The following AGBL1 variants were observed in gnomAD, a reference collection of about 807,000 sequenced individuals.
The protein encoded by AGBL1 is cytosolic carboxypeptidase 4.
In AGBL1, 130 loss-of-function variants were observed where a neutral mutation model predicts 118.9. That is an observed-to-expected ratio of 1.09 (90% confidence interval 0.95 to 1.26). The LOEUF is 1.26. Among genes scored for constraint, AGBL1 ranks in the 50% most tolerant of loss-of-function variants. The pLI, the probability that AGBL1 is intolerant of heterozygous loss-of-function variation, is 0.00. For synonymous variants in AGBL1, 555 were observed against 478.9 expected, an observed-to-expected ratio of 1.16 and a Z score of -2.08; for missense variants, 1,584 against 1,298.1, an observed-to-expected ratio of 1.22 and a Z score of -3.38.
intron 21 of AGBL1, among the ~76,000 whole-genome samples, chr15:86,586,525 C>T (rs1293688545): frequency 2.6e-5 from 4 of 152,110 alleles, no homozygotes; most frequent in East Asian, 1.9e-4. Flanking sequence ...GGCAGAAAAC[C>T]GAAATTCTGT....
chr15:86,796,452 G>T (rs150658381), intron 22 of AGBL1, among the ~76,000 whole-genome samples: 8 of 152,144 alleles, frequency 5.3e-5, no homozygotes, highest in Non-Finnish European at 1.2e-4. Context: ...AAACTGTATT[G>T]CTTGCTTCTT....
intron 21 of AGBL1, among the ~76,000 whole-genome samples, chr15:86,646,468 A>G (rs2085281069): frequency 6.6e-6 from 1 of 151,956 alleles, no homozygotes; most frequent in Non-Finnish European, 1.5e-5. Context: ...TGTTTCTATT[A>G]TCCTCATCTT....
At chr15:86,185,217 C>T (rs1753568096) in intron 5 of AGBL1, among the ~76,000 whole-genome samples, 1 of 152,176 alleles carries the variant, frequency 6.6e-6, no homozygotes, top group African/African-American at 2.4e-5. Flanking sequence ...TACCATCTCA[C>T]ACCAGTTAGA....
chr15:86,242,138 C>T (rs962871856), intron 6 of AGBL1, among the ~76,000 whole-genome samples: 6 of 152,166 alleles, frequency 3.9e-5, no homozygotes, highest in African/African-American at 1.4e-4. Context: ...CCTCCCCAGC[C>T]TCACAATTCA....
chr15:86,247,853 A>T lies in AGBL1; in HGVS notation c.709A>T (p.Met237Leu), dbSNP rs759880946. The T allele has an allele frequency of 1.2e-6, 2 of 1,613,804 alleles. No homozygotes were observed. The highest frequency in any genetic ancestry group is 1.7e-5 in the Admixed American group (1 of 60,006). ...GREAFLAAQG[M>L]EILFSTTQNC... ...GGAGGCCTTCCTGGCAGCACAGGGC[A>T]TGGAGATCCTCTTCAGCACCACACA... is the stretch of plus-strand genomic sequence containing the variant. Residue 237 changes from methionine (M) to leucine (L), a missense_variant, in exon 7 of 23, where the codon ATG becomes TTG. Transcript: ENST00000614907.
At chr15:86,607,134 T>C (rs2084588928) in intron 21 of AGBL1, among the ~76,000 whole-genome samples, 1 of 152,240 alleles carries the variant, frequency 6.6e-6, no homozygotes, top group Non-Finnish European at 1.5e-5. Flanking sequence ...TTTCTTTTTA[T>C]GGCTTGATAG....
intron 21 of AGBL1, among the ~76,000 whole-genome samples, chr15:86,651,062 T>C (rs1334835886): frequency 6.6e-6 from 1 of 152,188 alleles, no homozygotes; most frequent in East Asian, 1.9e-4. Flanking sequence ...AGACACCCTT[T>C]CCTATGTTTC....
intron 7 of AGBL1, among the ~76,000 whole-genome samples, chr15:86,249,518 A>T (rs2078774296): frequency 6.6e-6 from 1 of 152,136 alleles, no homozygotes; most frequent in Admixed American, 6.5e-5. Flanking sequence ...GTCATGAAAT[A>T]GCTATATTTT....
At chr15:86,410,223 T>C (rs985876109) in intron 18 of AGBL1, among the ~76,000 whole-genome samples, 1 of 152,154 alleles carries the variant, frequency 6.6e-6, no homozygotes, top group African/African-American at 2.4e-5. Flanking sequence ...GTAGTTACTC[T>C]CAGGGGTGCT....
intron 22 of AGBL1, among the ~76,000 whole-genome samples, chr15:86,709,917 A>G (rs904068015): frequency 6.6e-6 from 1 of 152,208 alleles, no homozygotes; most frequent in Non-Finnish European, 1.5e-5. Flanking sequence ...AAAATCATTA[A>G]ATAGAGAGCC....
chr15:86,565,292 C>T (rs999621921), intron 21 of AGBL1, among the ~76,000 whole-genome samples: 8 of 152,194 alleles, frequency 5.3e-5, no homozygotes, highest in African/African-American at 1.2e-4. Context: ...ATGATGGTGA[C>T]GTACAGATGG....
intron 22 of AGBL1, among the ~76,000 whole-genome samples, chr15:86,824,034 C>G (rs1398282508): frequency 6.6e-6 from 1 of 152,004 alleles, no homozygotes; most frequent in Non-Finnish European, 1.5e-5. Context: ...AGGATGTCCA[C>G]TCTCACCATT....
intron 21 of AGBL1, among the ~76,000 whole-genome samples, chr15:86,598,994 G>T (rs917728301): frequency 6.6e-6 from 1 of 152,026 alleles, no homozygotes; most frequent in Non-Finnish European, 1.5e-5. Flanking sequence ...TAATATTCCA[G>T]CTTTGAGGGT....
chr15:86,625,754 T>G (rs1370200128), intron 21 of AGBL1, among the ~76,000 whole-genome samples: 1 of 152,114 alleles, frequency 6.6e-6, no homozygotes, highest in Non-Finnish European at 1.5e-5. Flanking sequence ...CAATATTTAT[T>G]AAGTTTCTCC....
At chr15:86,708,855 C>T (rs2086502995) in intron 22 of AGBL1, among the ~76,000 whole-genome samples, 1 of 152,112 alleles carries the variant, frequency 6.6e-6, no homozygotes, top group Non-Finnish European at 1.5e-5. Context: ...CTACCCAGCA[C>T]TCTTGTTAAT....
In AGBL1 at chr15:86,453,370, C is replaced by G. The variant is rs143935104; in HGVS notation, c.2555+55824C>G. Among the ~76,000 whole-genome samples the G allele has an allele frequency of 2.7e-3, 411 of 152,276 alleles. 3 individuals carry two copies. Among genetic ancestry groups the G allele is most frequent in the African/African-American group, 9.3e-3 (388 of 41,544 alleles). ...ATATAGATGCATGTTCCGGAAACTTCAAATCCAATACAGGCACAATGGTAT... is the reference window on the plus strand; with the variant it reads ...ATATAGATGCATGTTCCGGAAACTTGAAATCCAATACAGGCACAATGGTAT... On this transcript the variant is annotated intron_variant, in intron 18 of 22. Transcript: ENST00000614907.
intron 18 of AGBL1, among the ~76,000 whole-genome samples, chr15:86,422,057 G>A (rs2081798701): frequency 6.6e-6 from 1 of 152,102 alleles, no homozygotes; most frequent in Non-Finnish European, 1.5e-5. Context: ...AAATTAACAA[G>A]GATATTCAGG....
intron 22 of AGBL1, among the ~76,000 whole-genome samples, chr15:86,856,404 A>G (rs1202727284): frequency 3.3e-5 from 5 of 152,222 alleles, no homozygotes; most frequent in Non-Finnish European, 4.4e-5. Context: ...AACCTTATCT[A>G]CATTTTATGG....
intron 5 of AGBL1, among the ~76,000 whole-genome samples, chr15:86,159,633 T>C (rs1388980654): frequency 2.0e-5 from 3 of 151,994 alleles, no homozygotes; most frequent in African/African-American, 2.4e-5. Context: ...AAAAGGGAGA[T>C]GGTTAGACAT....
Sources: allele counts gnomAD v4.1 joint callset (sites outside exome capture counted in the v4.1 genomes callset), GRCh38; gene constraint gnomAD v4.1.1; transcripts MANE v1.5; gene names NCBI Gene and HGNC (gene_info 2026-07-23, HGNC 2026-07-21).